SNX10: variants seen among roughly 807,000 people sequenced by gnomAD.
The protein encoded by SNX10 is sorting nexin 10, also known as sorting nexin-10.
A neutral mutation model predicts 28.5 loss-of-function variants in SNX10; 25 were observed. The ratio of observed to expected loss-of-function variants is 0.88; its 90% CI spans 0.64 to 1.22. SNX10 has a LOEUF of 1.22. SNX10 is among the 50% of genes most tolerant of loss of function. The pLI is 0.00. For missense variants in SNX10, 223 were observed against 242.6 expected, an observed-to-expected ratio of 0.92 and a Z score of 0.54; for synonymous variants, 62 against 81.4, an observed-to-expected ratio of 0.76 and a Z score of 1.28.
chr7:26,368,827 AT>A (rs201833168), intron 5 of SNX10, among the ~76,000 whole-genome samples: 6 of 150,346 alleles, frequency 4.0e-5, no homozygotes, highest in African/African-American at 1.2e-4. Flanking sequence ...GGCTGAGTTA[AT>A]TTTTTTTTTC....
At chr7:26,358,894 C>T (rs528884153) in intron 2 of SNX10, among the ~76,000 whole-genome samples, 1 of 143,930 alleles carries the variant, frequency 6.9e-6, no homozygotes, top group African/African-American at 2.7e-5. Context: ...CAACCTCCGC[C>T]TCCTGGGTTC....
intron 1 of SNX10, among the ~76,000 whole-genome samples, chr7:26,296,601 G>A (rs920948178): frequency 1.3e-5 from 2 of 152,082 alleles, no homozygotes; most frequent in African/African-American, 4.8e-5. Flanking sequence ...CTTTTAACAC[G>A]ACTTAAATTT....
chr7:26,322,968 C>T (rs79070052), intron 1 of SNX10, among the ~76,000 whole-genome samples: 461 of 152,228 alleles, frequency 3.0e-3, no homozygotes, highest in African/African-American at 0.01. Context: ...AAATAGTGGA[C>T]CGGGTACGGT....
chr7:26,299,913 T>C (rs965407597), intron 1 of SNX10, among the ~76,000 whole-genome samples: 1 of 151,500 alleles, frequency 6.6e-6, no homozygotes, highest in African/African-American at 2.4e-5. Flanking sequence ...AAAAAAACTT[T>C]TAAAAAGAAT....
chr7:26,333,478 C>T (rs7788704), intron 1 of SNX10, among the ~76,000 whole-genome samples: 27,072 of 151,660 alleles, frequency 0.18, 2,800 homozygotes, highest in South Asian at 0.41. Flanking sequence ...TGCCCGCCAC[C>T]GCACCCGGCT....
At chr7:26,313,173 C>G (rs1268566335) in intron 1 of SNX10, among the ~76,000 whole-genome samples, 1 of 152,178 alleles carries the variant, frequency 6.6e-6, no homozygotes, top group Non-Finnish European at 1.5e-5. Flanking sequence ...GAGAACGAGG[C>G]TAACTAAAAA....
rs1232539405 is a variant in SNX10 at position 26,373,018 on chromosome 7, C to T, written c.*446C>T. 6.5e-6 allele frequency: 1 copy of T among 153,642 alleles called. No homozygotes were observed. Among genetic ancestry groups the T allele is most frequent in the Non-Finnish European group, 1.4e-5 (1 of 69,060 alleles). The allele number at this position is 153,642 out of a possible 1,614,324, so 9.5% of individuals were successfully genotyped here. A position where few individuals can be genotyped will look rare whatever the true frequency, so the allele number is the denominator to read the frequency against. On this transcript the variant is annotated 3_prime_UTR_variant, in exon 7 of 7. Transcript: ENST00000338523. The surrounding 1 kb of genome is among the most constrained non-coding windows in gnomAD (Gnocchi z 4.2). ...AGAGTAACAGTGTAGACCAGACTGC[C>T]TCTCTCAGATATGTGCCTGATATTT...
intron 1 of SNX10, among the ~76,000 whole-genome samples, chr7:26,323,946 T>C (rs1787402345): frequency 6.6e-6 from 1 of 152,224 alleles, no homozygotes; most frequent in Non-Finnish European, 1.5e-5. Context: ...TGGTTTAGAA[T>C]GCAACAGAGG....
intron 6 of SNX10, 124 bp downstream of exon 6, chr7:26,372,157 A>C: frequency 4.5e-6 from 3 of 669,244 alleles, no homozygotes; most frequent in Non-Finnish European, 7.4e-6. Flanking sequence ...AGATAATGAA[A>C]AAATTAATTG....
intron 2 of SNX10, among the ~76,000 whole-genome samples, chr7:26,358,099 G>T (rs1788898206): frequency 1.3e-5 from 2 of 152,086 alleles, no homozygotes; most frequent in African/African-American, 4.8e-5. Context: ...CAAGAGAATA[G>T]TGATATTTAG....
intron 1 of SNX10, among the ~76,000 whole-genome samples, chr7:26,293,443 C>G (rs748052359): frequency 3.3e-5 from 5 of 152,122 alleles, no homozygotes; most frequent in African/African-American, 4.8e-5. Context: ...TGAGCTCAAG[C>G]AATCCACCTG....
At chr7:26,344,407 A>T (rs1788301536) in intron 1 of SNX10, among the ~76,000 whole-genome samples, 1 of 151,840 alleles carries the variant, frequency 6.6e-6, no homozygotes. Flanking sequence ...GACCTCAGGT[A>T]ATCTGCTTGC....
At chr7:26,359,625 A>C (rs1428512002) in intron 2 of SNX10, among the ~76,000 whole-genome samples, 1 of 152,172 alleles carries the variant, frequency 6.6e-6, no homozygotes, top group Non-Finnish European at 1.5e-5. Flanking sequence ...TTTTTAAACT[A>C]AACCTATTTA....
At chr7:26,307,680 C>CTT (rs34096499) in intron 1 of SNX10, among the ~76,000 whole-genome samples, 1 of 144,060 alleles carries the variant, frequency 6.9e-6, no homozygotes, top group African/African-American at 2.5e-5. Context: ...GGCTAGCATT[C>CTT]TTTTTTTTTT....
At chr7:26,306,126 A>T (rs1473709666) in intron 1 of SNX10, among the ~76,000 whole-genome samples, 1 of 151,188 alleles carries the variant, frequency 6.6e-6, no homozygotes, top group Non-Finnish European at 1.5e-5. Flanking sequence ...CTGGTCTCGA[A>T]CTCCTGAGCT....
At chr7:26,370,115 T>A (rs1789458645) in intron 5 of SNX10, among the ~76,000 whole-genome samples, 1 of 152,186 alleles carries the variant, frequency 6.6e-6, no homozygotes, top group East Asian at 1.9e-4. Context: ...TACAATCCCA[T>A]GAACAGTTCC....
At chr7:26,351,285 A>C (rs1325843719) in intron 2 of SNX10, among the ~76,000 whole-genome samples, 6 of 152,238 alleles carry the variant, frequency 3.9e-5, no homozygotes, top group Non-Finnish European at 7.3e-5. Flanking sequence ...AAATCTGACA[A>C]ACACTTCCTC....
At chr7:26,347,519 G>A (rs765454485) in intron 2 of SNX10, among the ~76,000 whole-genome samples, 4 of 152,160 alleles carry the variant, frequency 2.6e-5, no homozygotes, top group African/African-American at 7.2e-5. Context: ...CAGCCCCGGC[G>A]ACAGAGCAAG....
intron 1 of SNX10, among the ~76,000 whole-genome samples, chr7:26,327,313 G>A (rs901992764): frequency 2.0e-5 from 3 of 152,266 alleles, no homozygotes; most frequent in South Asian, 2.1e-4. Flanking sequence ...GCCACCACAC[G>A]ATTTGTGGCC....
Sources: gnomAD v4.1 joint callset for allele counts (sites outside exome capture counted in the v4.1 genomes callset) on GRCh38, gnomAD v4.1.1 for gene constraint, Gnocchi (gnomAD v3.1) non-coding constraint, MANE v1.5 for transcripts, NCBI Gene and HGNC (gene_info 2026-07-23, HGNC 2026-07-21) for gene names.